The following NALF1 variants were observed in gnomAD, a reference collection of about 807,000 sequenced individuals.
The protein encoded by NALF1 is family with sequence similarity 155 member A.
In NALF1, 3 loss-of-function variants were observed where a neutral mutation model predicts 48.4. The observed-to-expected ratio is 0.06, with a 90% confidence interval of 0.03 to 0.16. The LOEUF (loss-of-function observed/expected upper bound fraction) is 0.16, where lower values mean the gene tolerates loss of function less well. Ranked by LOEUF, NALF1 falls within the 10% of genes least tolerant of loss-of-function variation. The pLI is 1.00. For synonymous variants in NALF1, 262 were observed against 245.7 expected (o/e 1.07, Z -0.62); for missense variants, 526 against 571.5 (o/e 0.92, Z 0.81).
chr13:107,539,030 C>T (rs587172), intron 1 of NALF1, among the ~76,000 whole-genome samples: 22,604 of 149,952 alleles, frequency 0.15, 2,002 homozygotes, highest in Middle Eastern at 0.2. Flanking sequence ...TTGCTAAACC[C>T]TTGGTAGGTA....
At chr13:107,271,470 G>T (rs1479096140) in intron 1 of NALF1, among the ~76,000 whole-genome samples, 1 of 152,094 alleles carries the variant, frequency 6.6e-6, no homozygotes, top group Non-Finnish European at 1.5e-5. Flanking sequence ...TTGGGACACA[G>T]CCAGGGACAA....
At chr13:107,394,495 T>C (rs1203275700) in intron 1 of NALF1, among the ~76,000 whole-genome samples, 1 of 152,184 alleles carries the variant, frequency 6.6e-6, no homozygotes, top group African/African-American at 2.4e-5. Flanking sequence ...AAGACAAAGT[T>C]GTAAACTGGG....
intron 1 of NALF1, among the ~76,000 whole-genome samples, chr13:107,405,175 T>C (rs1328886335): frequency 6.6e-6 from 1 of 152,022 alleles, no homozygotes; most frequent in East Asian, 1.9e-4. Flanking sequence ...TCCCCAAAAA[T>C]TGAGGCACCA....
intron 1 of NALF1, among the ~76,000 whole-genome samples, chr13:107,490,315 A>C: frequency 6.6e-6 from 1 of 152,228 alleles, no homozygotes; most frequent in East Asian, 1.9e-4. Flanking sequence ...AAACACACAG[A>C]ATCAACCTAA....
At chr13:107,494,874 T>C (rs1483559912) in intron 1 of NALF1, among the ~76,000 whole-genome samples, 2 of 152,096 alleles carry the variant, frequency 1.3e-5, no homozygotes, top group Non-Finnish European at 2.9e-5. Context: ...GAACAATATA[T>C]GGAAATAATT....
chr13:107,643,644 T>G (rs1285694102), intron 1 of NALF1, among the ~76,000 whole-genome samples: 1 of 151,796 alleles, frequency 6.6e-6, no homozygotes, highest in African/African-American at 2.4e-5. Context: ...AATAAGCAAT[T>G]TTATTTTCTT....
At chr13:107,345,083 C>T (rs935996184) in intron 1 of NALF1, among the ~76,000 whole-genome samples, 1 of 151,698 alleles carries the variant, frequency 6.6e-6, no homozygotes, top group Admixed American at 6.6e-5. Context: ...ATAATAGCAG[C>T]TACACACACA....
chr13:107,830,649 CTTG>C (rs1208248139), intron 1 of NALF1, among the ~76,000 whole-genome samples: 1 of 152,090 alleles, frequency 6.6e-6, no homozygotes, highest in Non-Finnish European at 1.5e-5. Flanking sequence ...GGGGAGGATT[CTTG>C]TTGTTGAGTG....
At chr13:107,437,994 T>C (rs541984000) in intron 1 of NALF1, among the ~76,000 whole-genome samples, 6 of 152,306 alleles carry the variant, frequency 3.9e-5, no homozygotes, top group South Asian at 2.1e-4. Flanking sequence ...AAAACAAATA[T>C]AGTAAAATGT....
At chr13:107,754,613 G>A (rs1189283992) in intron 1 of NALF1, among the ~76,000 whole-genome samples, 5 of 151,958 alleles carry the variant, frequency 3.3e-5, no homozygotes, top group Middle Eastern at 3.2e-3. Context: ...AAAACTGTCA[G>A]CACATGAGTT....
At chr13:107,832,834 C>T (rs1379780982) in intron 1 of NALF1, among the ~76,000 whole-genome samples, 3 of 152,264 alleles carry the variant, frequency 2.0e-5, no homozygotes, top group Non-Finnish European at 4.4e-5. Flanking sequence ...CAGTTCAAGC[C>T]GCAGAAGACT....
At chr13:107,380,834 C>T (rs569742456) in intron 1 of NALF1, among the ~76,000 whole-genome samples, 8 of 151,534 alleles carry the variant, frequency 5.3e-5, no homozygotes, top group South Asian at 4.2e-4. Flanking sequence ...AAAAATTAGC[C>T]GGGCGTAGTG....
chr13:107,507,622 A>ATG (rs1566370406), intron 1 of NALF1, among the ~76,000 whole-genome samples: 1 of 129,054 alleles, frequency 7.7e-6, no homozygotes, highest in Non-Finnish European at 1.7e-5. Flanking sequence ...AAAAAAAAAA[A>ATG]GGGGCAAACA....
At chr13:107,661,542 G>A (rs1332557517) in intron 1 of NALF1, among the ~76,000 whole-genome samples, 4 of 151,620 alleles carry the variant, frequency 2.6e-5, no homozygotes, top group Non-Finnish European at 4.4e-5. Flanking sequence ...AATATGAAAG[G>A]CCTAACAGAG....
In NALF1 at chr13:107,754,116, T is replaced by A. The variant is rs146530233; in HGVS notation, c.915+111566A>T. 4.0e-3 allele frequency among the ~76,000 whole-genome samples: 603 copies of A among 152,270 alleles called. 3 individuals are homozygous for A. The highest frequency in any genetic ancestry group is 0.014 in the African/African-American group (591 of 41,552). On this transcript the variant is annotated intron_variant, in intron 1 of 2. Transcript: ENST00000375915. ...CTATATTCTGCTTAGGTTTGCTAGGTGTGATACAAATAAGTCGTCAGATAG... is the reference window on the plus strand; with the variant it reads ...CTATATTCTGCTTAGGTTTGCTAGGAGTGATACAAATAAGTCGTCAGATAG...
intron 1 of NALF1, among the ~76,000 whole-genome samples, chr13:107,517,827 T>C (rs1876112016): frequency 6.6e-6 from 1 of 151,996 alleles, no homozygotes; most frequent in African/African-American, 2.4e-5. Context: ...TGGTGATGCA[T>C]GACTGTAATC....
chr13:107,500,278 A>AT (rs1286484526), intron 1 of NALF1, among the ~76,000 whole-genome samples: 2 of 152,160 alleles, frequency 1.3e-5, no homozygotes, highest in Non-Finnish European at 2.9e-5. Context: ...AAAGAATAGA[A>AT]ATTTTTTTTT....
chr13:107,689,175 G>A (rs762422396), intron 1 of NALF1, among the ~76,000 whole-genome samples: 11 of 152,138 alleles, frequency 7.2e-5, no homozygotes, highest in African/African-American at 1.2e-4. Flanking sequence ...AGATCTGCGC[G>A]CTAGTAGGCA....
intron 1 of NALF1, among the ~76,000 whole-genome samples, chr13:107,862,716 A>C (rs1319242467): frequency 6.6e-6 from 1 of 151,960 alleles, no homozygotes; most frequent in Non-Finnish European, 1.5e-5. Context: ...GAGACACTAT[A>C]ATTTTATTAG....
Sources: allele counts gnomAD v4.1 joint callset (sites outside exome capture counted in the v4.1 genomes callset), GRCh38; gene constraint gnomAD v4.1.1; transcripts MANE v1.5; gene names NCBI Gene and HGNC (gene_info 2026-07-23, HGNC 2026-07-21).